The following HGF variants were observed in gnomAD, a reference collection of about 807,000 sequenced individuals.
The protein encoded by HGF is hepatocyte growth factor, also known as fibroblast-derived tumor cytotoxic factor.
In HGF, 39 loss-of-function variants were observed where a neutral mutation model predicts 111.6. That is an observed-to-expected ratio of 0.35 (90% CI 0.27 to 0.46). The LOEUF is 0.46. Ranked by LOEUF, HGF falls within the 20% of genes least tolerant of loss-of-function variation. HGF has a pLI of 1.00. For missense variants in HGF, 735 were observed against 910.5 expected (o/e 0.81, Z 2.48); for synonymous variants, 285 against 294.8 (o/e 0.97, Z 0.34).
intron 6 of HGF, 22 bp downstream of exon 6, chr7:81,744,978 G>A (rs909829493): frequency 9.3e-6 from 15 of 1,611,292 alleles, no homozygotes; most frequent in Non-Finnish European, 1.3e-5. Context: ...ATCACTGAAA[G>A]CATGATTCAT....
At chr7:81,710,290 TAATCAGTGCC>T in intron 12 of HGF, 47 bp from the exon 13 acceptor site, 1 of 1,214,306 alleles carries the variant, frequency 8.2e-7, no homozygotes, top group Non-Finnish European at 1.2e-6. Flanking sequence ...GAATTTGAAA[TAATCAGTGCC>T]TCTTAGTTTT....
At chr7:81,745,928 A>G (rs571683581) in intron 5 of HGF, among the ~76,000 whole-genome samples, 2 of 152,332 alleles carry the variant, frequency 1.3e-5, no homozygotes, top group Non-Finnish European at 2.9e-5. Context: ...GACTTCTCAA[A>G]CAGACAGGTT....
At chr7:81,741,317 A>G (rs1330422889) in intron 7 of HGF, among the ~76,000 whole-genome samples, 1 of 152,274 alleles carries the variant, frequency 6.6e-6, no homozygotes, top group East Asian at 1.9e-4. Flanking sequence ...TATAAACTCT[A>G]TCCTCTGCTT....
intron 1 of HGF, 62 bp downstream of exon 1, chr7:81,769,822 G>T: frequency 1.6e-6 from 2 of 1,228,712 alleles, no homozygotes; most frequent in South Asian, 2.6e-5. Flanking sequence ...AAAAGGAATA[G>T]GGAAGGTTAG....
At chr7:81,748,996 C>A (rs1024363205) in intron 5 of HGF, among the ~76,000 whole-genome samples, 4 of 152,004 alleles carry the variant, frequency 2.6e-5, no homozygotes, top group Admixed American at 2.6e-4. Flanking sequence ...TGTTTTATTC[C>A]ATTAAAGACA....
chr7:81,752,305 C>A (rs757940451), intron 4 of HGF, 43 bp from the exon 5 acceptor site: 1 of 1,568,012 alleles, frequency 6.4e-7, no homozygotes, highest in Non-Finnish European at 8.8e-7. Flanking sequence ...GAGCATGCAA[C>A]TTTTTTTTGC....
intron 10 of HGF, 146 bp downstream of exon 10, chr7:81,720,599 G>A (rs914939313): frequency 1.3e-5 from 8 of 636,366 alleles, no homozygotes; most frequent in African/African-American, 9.2e-5. Context: ...ATGTTATGAT[G>A]AGTTGTAAAG....
intron 11 of HGF, among the ~76,000 whole-genome samples, chr7:81,713,902 T>A (rs1248755762): frequency 1.3e-5 from 2 of 152,094 alleles, no homozygotes; most frequent in Admixed American, 6.6e-5. Flanking sequence ...ATACAATACT[T>A]ATTTTTTATT....
At chr7:81,743,066 CTG>C (rs1447897387) in intron 7 of HGF, 3 of 949,484 alleles carry the variant, frequency 3.2e-6, no homozygotes, top group Admixed American at 2.2e-5. Context: ...TTTTCTCTCT[CTG>C]TGGTTTTTTA....
chr7:81,767,784 A>G (rs1789437744), intron 1 of HGF, among the ~76,000 whole-genome samples: 1 of 152,252 alleles, frequency 6.6e-6, no homozygotes, highest in East Asian at 1.9e-4. Flanking sequence ...ACATACAAAT[A>G]TAAATTCATA....
intron 7 of HGF, among the ~76,000 whole-genome samples, chr7:81,738,695 TTGGC>T (rs1217868352): frequency 1.3e-5 from 2 of 152,158 alleles, no homozygotes; most frequent in Non-Finnish European, 2.9e-5. Flanking sequence ...TATTCAAACG[TTGGC>T]TGGCAGATGT....
Position 81,701,783 on chromosome 7 carries a change from G to T in HGF, c.*798C>A, listed in dbSNP as rs927262996. 1.5e-4 allele frequency: 22 copies of T among 151,702 alleles called. No homozygotes were observed. The highest frequency in any genetic ancestry group is 5.1e-4 in the African/African-American group (21 of 41,514). The allele number at this position is 151,702 out of a possible 1,614,324, so 9.4% of individuals were successfully genotyped here. Reference sequence around the variant, plus strand: ...TGAATACATGTAAACACCTAGATTAGGTGTTATTTAACTCTGGGTGATGGC... The same window carrying T: ...TGAATACATGTAAACACCTAGATTATGTGTTATTTAACTCTGGGTGATGGC... On this transcript the variant is annotated 3_prime_UTR_variant, in exon 18 of 18. Transcript: ENST00000222390.
intron 2 of HGF, 99 bp downstream of exon 2, chr7:81,762,608 T>A: frequency 1.1e-6 from 1 of 945,608 alleles, no homozygotes; most frequent in South Asian, 1.3e-5. Context: ...TACAATTTTA[T>A]GATCAAATCA....
intron 4 of HGF, among the ~76,000 whole-genome samples, chr7:81,754,633 A>C (rs979611312): frequency 4.6e-5 from 7 of 152,074 alleles, no homozygotes; most frequent in Admixed American, 1.3e-4. Context: ...AATTCATATC[A>C]AAAACCTCTC....
intron 13 of HGF, 27 bp downstream of exon 13, chr7:81,710,120 G>A (rs2115797844): frequency 1.5e-6 from 2 of 1,365,166 alleles, no homozygotes; most frequent in African/African-American, 1.4e-5. Flanking sequence ...TTCTGGATAT[G>A]CATGACTTGC....
intron 4 of HGF, among the ~76,000 whole-genome samples, chr7:81,752,713 T>C: frequency 6.6e-6 from 1 of 152,036 alleles, no homozygotes; most frequent in African/African-American, 2.4e-5. Context: ...AATAGCCCCC[T>C]TTTTTCTGCA....
At chr7:81,765,949 G>A (rs960701083) in intron 1 of HGF, among the ~76,000 whole-genome samples, 1 of 152,150 alleles carries the variant, frequency 6.6e-6, no homozygotes, top group African/African-American at 2.4e-5. Context: ...CAAAGGGTGA[G>A]AGATCACTAC....
Position 81,768,070 on chromosome 7 carries a change from G to A in HGF, c.88+1814C>T, listed in dbSNP as rs140675234. Among the ~76,000 whole-genome samples, 448 of 152,204 alleles carry A rather than the reference G, an allele frequency of 2.9e-3. 3 individuals carry two copies. The highest frequency in any genetic ancestry group is 8.5e-3 in the African/African-American group (352 of 41,538). On this transcript the variant is annotated intron_variant, in intron 1 of 17. Transcript: ENST00000222390. ...CCTTGCCTGCCAGCACTCTTGGGCTGCATTCTGCCTGTACTCAGGAAACAC... is the reference window on the plus strand; with the variant it reads ...CCTTGCCTGCCAGCACTCTTGGGCTACATTCTGCCTGTACTCAGGAAACAC...
At chr7:81,753,946 T>A (rs1788627270) in intron 4 of HGF, among the ~76,000 whole-genome samples, 1 of 152,146 alleles carries the variant, frequency 6.6e-6, no homozygotes, top group East Asian at 1.9e-4. Context: ...AATATTTTAA[T>A]GCATCTTTTG....
Sources: gnomAD v4.1 joint callset for allele counts (sites outside exome capture counted in the v4.1 genomes callset) on GRCh38, gnomAD v4.1.1 for gene constraint, MANE v1.5 for transcripts, NCBI Gene and HGNC (gene_info 2026-07-23, HGNC 2026-07-21) for gene names.